The following RIT2 variants were observed in gnomAD, a reference collection of about 807,000 sequenced individuals.
RIT2 encodes GTP-binding protein Rit2.
Under a neutral mutation model 23.7 loss-of-function variants are expected in RIT2, and 24 were observed. That is an observed-to-expected ratio of 1.01 (90% CI 0.73 to 1.43). The LOEUF (loss-of-function observed/expected upper bound fraction) is 1.43, where lower values mean the gene tolerates loss of function less well. Among genes scored for constraint, RIT2 ranks in the 40% most tolerant of loss-of-function variants. The pLI is 0.00. For synonymous variants in RIT2, 107 were observed against 91.1 expected (o/e 1.17, Z -0.99); for missense variants, 236 against 266.9 (o/e 0.88, Z 0.81).
chr18:42,931,875 T>TTTA (rs907748667), intron 3 of RIT2, among the ~76,000 whole-genome samples: 3 of 152,134 alleles, frequency 2.0e-5, no homozygotes, highest in Admixed American at 2.0e-4. Context: ...TGCTAATTGA[T>TTTA]TTAGAGTATC....
intron 2 of RIT2, among the ~76,000 whole-genome samples, chr18:43,015,860 C>T (rs1022459112): frequency 7.2e-5 from 11 of 151,736 alleles, no homozygotes; most frequent in Non-Finnish European, 1.5e-4. Context: ...GGCTATCATG[C>T]ACAAAATATG....
chr18:42,978,003 A>G (rs750067981), intron 2 of RIT2, among the ~76,000 whole-genome samples: 1 of 151,724 alleles, frequency 6.6e-6, no homozygotes, highest in Non-Finnish European at 1.5e-5. Flanking sequence ...TTGTTTTTCA[A>G]TTTCACAGGG....
chr18:43,097,594 T>C (rs1913584596), intron 1 of RIT2, among the ~76,000 whole-genome samples: 1 of 151,884 alleles, frequency 6.6e-6, no homozygotes, highest in Non-Finnish European at 1.5e-5. Context: ...TGGGAGACAA[T>C]GAAAAGTTCC....
chr18:42,862,177 T>C (rs1332886879), intron 4 of RIT2, among the ~76,000 whole-genome samples: 5 of 152,298 alleles, frequency 3.3e-5, no homozygotes, highest in Admixed American at 1.3e-4. Context: ...GATTGGATCA[T>C]GGGGGCTGGT....
intron 4 of RIT2, among the ~76,000 whole-genome samples, chr18:42,837,153 CTTTTTTTTTTTTTTTTTTTTTTTT>C (rs570701535): frequency 7.7e-5 from 4 of 51,682 alleles, no homozygotes; most frequent in Admixed American, 3.7e-4. Flanking sequence ...TTTTCTTTTT[CTTTTTTTTTTTTTTTTTTTTTTTT>C]TTTTTTTTGA....
intron 4 of RIT2, among the ~76,000 whole-genome samples, chr18:42,880,636 A>G (rs1214838423): frequency 6.6e-6 from 1 of 151,928 alleles, no homozygotes; most frequent in Non-Finnish European, 1.5e-5. Flanking sequence ...TCCTGTCTCC[A>G]TATCTCGTTT....
At chr18:43,051,305 T>G (rs574016517) in intron 1 of RIT2, among the ~76,000 whole-genome samples, 1 of 152,274 alleles carries the variant, frequency 6.6e-6, no homozygotes, top group South Asian at 2.1e-4. Flanking sequence ...GGAGAGATTT[T>G]TCCATTACAG....
intron 4 of RIT2, among the ~76,000 whole-genome samples, chr18:42,744,352 T>C (rs1298619912): frequency 5.9e-5 from 9 of 152,160 alleles, no homozygotes; most frequent in Admixed American, 5.9e-4. Context: ...GAGAATTTGT[T>C]TTAAGAGAGA....
chr18:42,996,724 A>T (rs982369827), intron 2 of RIT2, among the ~76,000 whole-genome samples: 2 of 151,400 alleles, frequency 1.3e-5, no homozygotes, highest in East Asian at 2.0e-4. Flanking sequence ...CTTTTTTCGG[A>T]CTCAGCCTGC....
At chr18:42,888,868 G>A (rs1908098201) in intron 4 of RIT2, among the ~76,000 whole-genome samples, 1 of 152,054 alleles carries the variant, frequency 6.6e-6, no homozygotes, top group Non-Finnish European at 1.5e-5. Context: ...CTGAGCACAT[G>A]TGGACATAAA....
At chr18:42,780,664 G>A (rs925256712) in intron 4 of RIT2, among the ~76,000 whole-genome samples, 4 of 152,100 alleles carry the variant, frequency 2.6e-5, no homozygotes, top group African/African-American at 9.7e-5. Context: ...TTGGAACTTG[G>A]TATCTTATTT....
At chr18:42,954,233 C>T (rs1396452410) in intron 3 of RIT2, among the ~76,000 whole-genome samples, 1 of 151,848 alleles carries the variant, frequency 6.6e-6, no homozygotes, top group Non-Finnish European at 1.5e-5. Context: ...CAAAAATTAG[C>T]CTGGCATAGT....
At chr18:43,093,249 A>T (rs1159273642) in intron 1 of RIT2, among the ~76,000 whole-genome samples, 2 of 151,914 alleles carry the variant, frequency 1.3e-5, no homozygotes, top group Non-Finnish European at 2.9e-5. Flanking sequence ...ATTTCTTGTT[A>T]AATTGTGTCA....
At chr18:42,923,787 T>C (rs774363937) in intron 3 of RIT2, 24 bp from the exon 4 acceptor site, 4 of 1,345,118 alleles carry the variant, frequency 3.0e-6, no homozygotes, top group African/African-American at 1.6e-5. Context: ...AAAAAAAAAT[T>C]AGTTATGGGC....
chr18:42,987,654 C>T (rs908687082), intron 2 of RIT2, among the ~76,000 whole-genome samples: 3 of 152,052 alleles, frequency 2.0e-5, no homozygotes, highest in Admixed American at 1.3e-4. Flanking sequence ...GAAACAACGC[C>T]GATGTCTTAG....
intron 4 of RIT2, among the ~76,000 whole-genome samples, chr18:42,829,147 C>T (rs1162010472): frequency 1.3e-5 from 2 of 152,116 alleles, no homozygotes; most frequent in Non-Finnish European, 2.9e-5. Flanking sequence ...AGAAGCCTGA[C>T]TATCCTCTTT....
intron 4 of RIT2, among the ~76,000 whole-genome samples, chr18:42,810,402 C>A (rs745814612): frequency 2.0e-5 from 3 of 151,812 alleles, no homozygotes; most frequent in Non-Finnish European, 4.4e-5. Flanking sequence ...CTGTTCACAC[C>A]AGCAACACAA....
intron 4 of RIT2, among the ~76,000 whole-genome samples, chr18:42,791,764 T>G (rs1258528405): frequency 6.6e-6 from 1 of 152,190 alleles, no homozygotes. Context: ...TAACAAGATT[T>G]TCCTCAATGG....
chr18:43,010,670 C>A (rs144111083), intron 2 of RIT2, among the ~76,000 whole-genome samples: 2,005 of 151,828 alleles, frequency 0.013, 45 homozygotes, highest in African/African-American at 0.046. Flanking sequence ...CATCAGGCAT[C>A]TTGGTTAAAA....
Sources: allele counts gnomAD v4.1 joint callset (sites outside exome capture counted in the v4.1 genomes callset), GRCh38; gene constraint gnomAD v4.1.1; transcripts MANE v1.5; gene names NCBI Gene and HGNC (gene_info 2026-07-23, HGNC 2026-07-21).